Variants in IFT22 observed in about 807,000 individuals in gnomAD.
The protein encoded by IFT22 is intraflagellar transport protein 22 homolog.
In IFT22, 13 loss-of-function variants were observed where a neutral mutation model predicts 21.0. That is an observed-to-expected ratio of 0.62 (90% confidence interval 0.40 to 0.98). The LOEUF (loss-of-function observed/expected upper bound fraction) is 0.98. Among genes scored for constraint, IFT22 ranks in the 50% least tolerant of loss-of-function variants. The pLI is 0.00. For synonymous variants in IFT22, 67 were observed against 82.4 expected (o/e 0.81, Z 1.01); for missense variants, 227 against 228.9 (o/e 0.99, Z 0.06).
intron 1 of IFT22, 47 bp from the exon 2 acceptor site, chr7:101,319,079 G>A (rs1257279038): frequency 6.2e-7 from 1 of 1,602,870 alleles, no homozygotes; most frequent in African/African-American, 1.3e-5. Context: ...AGGCAGAAAA[G>A]GAAACCAAAA....
rs994597239 is a variant in IFT22, at chr7:101,317,991, C to A, written c.206+133G>T. 7 of 675,906 alleles carry A rather than the reference C, an allele frequency of 1.0e-5. No homozygotes were observed. The East Asian group carries it at 2.1e-4, about 20-fold the overall frequency. The allele number at this position is 675,906 out of a possible 1,614,324, so 41.9% of individuals were successfully genotyped here. ...CCATGTTGGCCAGGCTGCTCTTGAACTCTTCTCCTCAGGTGAGCCACCCAC... is the reference window on the plus strand; with the variant it reads ...CCATGTTGGCCAGGCTGCTCTTGAAATCTTCTCCTCAGGTGAGCCACCCAC... On this transcript the variant is annotated intron_variant, in intron 3 of 4. Transcript: ENST00000315322.
intron 2 of IFT22, chr7:101,318,526 A>G (rs1350125078): frequency 1.5e-5 from 4 of 275,522 alleles, no homozygotes; most frequent in Non-Finnish European, 2.8e-5. Context: ...TCCCAAAAAA[A>G]AAAGACGAAC....
At position 101,321,712 on chromosome 7, in the gene IFT22, T is replaced by C. The variant is rs1297097680; in HGVS notation, c.-3A>G. On this transcript the variant is annotated 5_prime_UTR_variant, in exon 1 of 5. Coordinates refer to ENST00000315322, the MANE Select transcript of IFT22 (RefSeq NM_022777.4). ...AAGAGGATCTTGGCTTTCAGCATAGTTGTCCGCCGCGGCTTAGCCGGCCGG... is the reference window on the plus strand; with the variant it reads ...AAGAGGATCTTGGCTTTCAGCATAGCTGTCCGCCGCGGCTTAGCCGGCCGG... 30 of 1,598,438 alleles carry C rather than the reference T, an allele frequency of 1.9e-5. No individual in the cohort carries two copies. The highest frequency in any genetic ancestry group is 2.6e-5 in the Non-Finnish European group (30 of 1,172,396).
chr7:101,321,511 G>C, intron 1 of IFT22, 160 bp downstream of exon 1: 2 of 665,610 alleles, frequency 3.0e-6, no homozygotes, highest in Non-Finnish European at 5.0e-6. Flanking sequence ...TGAAAGCACC[G>C]AGTTCACGGA....
chr7:101,319,056 G>C, intron 1 of IFT22, 24 bp from the exon 2 acceptor site: 1 of 1,612,382 alleles, frequency 6.2e-7, no homozygotes, highest in African/African-American at 1.3e-5. Context: ...TGCAAATAAA[G>C]GTCTTTGCTG....
chr7:101,320,452 G>C (rs1180227363), intron 1 of IFT22, among the ~76,000 whole-genome samples: 1 of 149,764 alleles, frequency 6.7e-6, no homozygotes, highest in Non-Finnish European at 1.5e-5. Flanking sequence ...GTAGAGACGG[G>C]GTTTCACCGT....
intron 1 of IFT22, among the ~76,000 whole-genome samples, chr7:101,320,557 CCTTTTTTTTTT>C (rs1347592144): frequency 7.7e-6 from 1 of 130,128 alleles, no homozygotes; most frequent in African/African-American, 3.1e-5. Flanking sequence ...CCGCGCCCGG[CCTTTTTTTTTT>C]TTTTTTTTTT....
Position 101,321,717 on chromosome 7 carries a change from CGCCGCGGCTTAGCCG to C in IFT22, c.-23_-9del. On this transcript the variant is annotated 5_prime_UTR_variant, in exon 1 of 5. Coordinates refer to ENST00000315322, the MANE Select transcript of IFT22 (RefSeq NM_022777.4). Reference sequence around the variant, plus strand: ...GATCTTGGCTTTCAGCATAGTTGTCCGCCGCGGCTTAGCCGGCCGGAGCCCACGGGAGGCGGCGCG... The same window carrying C: ...GATCTTGGCTTTCAGCATAGTTGTCCGCCGGAGCCCACGGGAGGCGGCGCG... 1 of 1,595,938 alleles carries C rather than the reference CGCCGCGGCTTAGCCG, an allele frequency of 6.3e-7. No homozygotes were observed. The highest frequency in any genetic ancestry group is 8.5e-7 in the Non-Finnish European group (1 of 1,171,142).
chr7:101,317,560 G>A (rs1002396764), intron 3 of IFT22, among the ~76,000 whole-genome samples: 2 of 151,948 alleles, frequency 1.3e-5, no homozygotes, highest in South Asian at 2.1e-4. Context: ...CAGCCACTGC[G>A]CCTGGCCAAG....
intron 2 of IFT22, 200 bp downstream of exon 2, chr7:101,318,756 C>G (rs1790240393): frequency 1.5e-5 from 8 of 527,288 alleles, no homozygotes; most frequent in Non-Finnish European, 3.4e-6. Context: ...TCTGCTTCAA[C>G]CTAACATGTA....
intron 1 of IFT22, among the ~76,000 whole-genome samples, chr7:101,319,240 GTTTTTA>G (rs1190883089): frequency 2.6e-5 from 4 of 152,088 alleles, no homozygotes; most frequent in East Asian, 3.9e-4. Context: ...GGATTAAGGA[GTTTTTA>G]TTTTTATTTT....
intron 4 of IFT22, chr7:101,315,785 G>A (rs1197036550): frequency 1.7e-5 from 3 of 177,406 alleles, no homozygotes; most frequent in Non-Finnish European, 3.5e-5. Context: ...CTACCTCCCA[G>A]GTACAAGTGA....
chr7:101,320,544 C>T (rs1245770249), intron 1 of IFT22, among the ~76,000 whole-genome samples: 3 of 148,142 alleles, frequency 2.0e-5, no homozygotes, highest in Admixed American at 6.9e-5. Flanking sequence ...CAGGCGTGAG[C>T]CACCGCGCCC....
rs1789980902 is a variant in IFT22 at position 101,311,584 on chromosome 7, A to G, written c.*3550T>C. The stretch of plus-strand genomic sequence containing the variant: ...AAGTGACAGACACCCTAGCATTTTT[A>G]TTCATCTCCCTTAGGTGCCTCAACT... On this transcript the variant is annotated 3_prime_UTR_variant, in exon 5 of 5. Transcript: ENST00000315322. Among the ~76,000 whole-genome samples the G allele has an allele frequency of 6.6e-6, 1 of 152,196 alleles. No homozygotes were observed. The highest frequency in any genetic ancestry group is 2.4e-5 in the African/African-American group (1 of 41,456).
In IFT22 at chr7:101,318,963, C is replaced by T; in HGVS notation, c.109G>A (p.Gly37Arg). 1 of 1,613,622 alleles carries T rather than the reference C, an allele frequency of 6.2e-7. No individual in the cohort carries two copies. Among genetic ancestry groups the T allele is most frequent in the Admixed American group, 1.7e-5 (1 of 60,008 alleles). The change falls in exon 2 of 5, where the codon GGA becomes AGA. Residue 37 changes from glycine to arginine, a missense_variant. Transcript: ENST00000315322. ...AGATTTGTCAGGGCTCACCTCACTC[C>T]TTGGGTTGGGCTGTATTCAGTGATG... ...SDITEYSPTQ[G>R]VRILEFENPH...
rs1790244140 is a variant in IFT22, at chr7:101,318,889, A to G, written c.116+67T>C. ...CGCTTTGACCTCCCAGAGCACTGGGATTAGAGGAATGAGCCTCCCTGCCGA... is the reference window on the plus strand; with the variant it reads ...CGCTTTGACCTCCCAGAGCACTGGGGTTAGAGGAATGAGCCTCCCTGCCGA... On this transcript the variant is annotated intron_variant, in intron 2 of 4. Coordinates refer to ENST00000315322, the MANE Select transcript of IFT22 (RefSeq NM_022777.4). The G allele has an allele frequency of 3.1e-6, 4 of 1,280,098 alleles. No homozygotes were observed. The East Asian group carries it at 9.3e-5, about 30-fold the overall frequency. The allele number at this position is 1,280,098 out of a possible 1,614,324, so 79.3% of individuals were successfully genotyped here. A position where few individuals can be genotyped will look rare whatever the true frequency, so the allele number is the denominator to read the frequency against.
chr7:101,318,001 C>T, intron 3 of IFT22, 123 bp downstream of exon 3: 3 of 737,694 alleles, frequency 4.1e-6, no homozygotes, highest in South Asian at 2.8e-5. Context: ...CTCTTCTCCT[C>T]AGGTGAGCCA....
At chr7:101,319,908 G>C (rs1475624386) in intron 1 of IFT22, among the ~76,000 whole-genome samples, 1 of 151,944 alleles carries the variant, frequency 6.6e-6, no homozygotes. Context: ...GCCTCCCAAA[G>C]TGCTGGCAGG....
chr7:101,320,327 G>A (rs1460396895), intron 1 of IFT22, among the ~76,000 whole-genome samples: 1 of 151,082 alleles, frequency 6.6e-6, no homozygotes, highest in Non-Finnish European at 1.5e-5. Context: ...CTGGAGTGCA[G>A]TGGCGCAGAC....
Sources: allele counts gnomAD v4.1 joint callset (sites outside exome capture counted in the v4.1 genomes callset), GRCh38; gene constraint gnomAD v4.1.1; transcripts MANE v1.5; gene names NCBI Gene and HGNC (gene_info 2026-07-23, HGNC 2026-07-21).